CNTNAP5: variants seen among roughly 807,000 people sequenced by gnomAD.
The protein encoded by CNTNAP5 is contactin associated protein family member 5, also known as contactin-associated protein-like 5.
Under a neutral mutation model 150.2 loss-of-function variants are expected in CNTNAP5, and 72 were observed. The ratio of observed to expected loss-of-function variants is 0.48; its 90% CI spans 0.40 to 0.58. The LOEUF is 0.58. CNTNAP5 is among the 20% of genes least tolerant of loss of function. CNTNAP5 has a pLI of 0.00. For missense variants in CNTNAP5, 1,636 were observed against 1,626.2 expected (o/e 1.01, Z -0.10); for synonymous variants, 672 against 619.8 (o/e 1.08, Z -1.25).
At chr2:124,374,085 A>G (rs980792093) in intron 3 of CNTNAP5, among the ~76,000 whole-genome samples, 1 of 152,086 alleles carries the variant, frequency 6.6e-6, no homozygotes, top group African/African-American at 2.4e-5. Flanking sequence ...GTGATCCTAT[A>G]TTACTTTGTA....
chr2:124,262,155 G>A (rs993346406), intron 3 of CNTNAP5, among the ~76,000 whole-genome samples: 2 of 152,042 alleles, frequency 1.3e-5, no homozygotes, highest in Non-Finnish European at 2.9e-5. Flanking sequence ...TGAGGTGGGA[G>A]AATGGCTTAA....
intron 13 of CNTNAP5, among the ~76,000 whole-genome samples, chr2:124,694,160 A>C (rs2105082336): frequency 6.6e-6 from 1 of 152,304 alleles, no homozygotes; most frequent in African/African-American, 2.4e-5. Flanking sequence ...CTACTCAGTA[A>C]GTTTCTTCAA....
chr2:124,839,134 C>T (rs2104690364), intron 19 of CNTNAP5, among the ~76,000 whole-genome samples: 1 of 152,092 alleles, frequency 6.6e-6, no homozygotes, highest in African/African-American at 2.4e-5. Context: ...GCTGGGTTGG[C>T]TGAGATGGGT....
At chr2:124,789,759 C>G in intron 17 of CNTNAP5, 143 bp from the exon 18 acceptor site, 1 of 711,438 alleles carries the variant, frequency 1.4e-6, no homozygotes, top group Non-Finnish European at 2.2e-6. Flanking sequence ...AATTCCAACT[C>G]TCACTGAAAC....
intron 13 of CNTNAP5, among the ~76,000 whole-genome samples, chr2:124,654,489 G>A (rs1312276536): frequency 6.6e-6 from 1 of 151,982 alleles, no homozygotes; most frequent in East Asian, 1.9e-4. Context: ...TTCTAATTCG[G>A]GGCTGTGTGT....
intron 1 of CNTNAP5, among the ~76,000 whole-genome samples, chr2:124,165,019 C>T (rs913960591): frequency 6.6e-6 from 1 of 152,134 alleles, no homozygotes; most frequent in African/African-American, 2.4e-5. Context: ...GCTTGATCCT[C>T]AGGTTGTAAT....
chr2:124,202,881 T>G (rs1685764821), intron 1 of CNTNAP5, among the ~76,000 whole-genome samples: 1 of 151,980 alleles, frequency 6.6e-6, no homozygotes, highest in Non-Finnish European at 1.5e-5. Flanking sequence ...AAGACGAAAT[T>G]TGAGTGAGGA....
At chr2:124,578,129 G>T (rs557226722) in intron 11 of CNTNAP5, among the ~76,000 whole-genome samples, 1 of 140,056 alleles carries the variant, frequency 7.1e-6, no homozygotes, top group Admixed American at 7.5e-5. Context: ...GGCCAACATG[G>T]TGAAACCTCC....
intron 22 of CNTNAP5, among the ~76,000 whole-genome samples, chr2:124,910,513 G>C (rs940953701): frequency 3.9e-5 from 6 of 151,950 alleles, no homozygotes; most frequent in Admixed American, 2.6e-4. Context: ...TCATATGGGG[G>C]CTTGAGTTCT....
intron 2 of CNTNAP5, among the ~76,000 whole-genome samples, chr2:124,226,270 T>C (rs1686457456): frequency 6.6e-6 from 1 of 151,882 alleles, no homozygotes; most frequent in African/African-American, 2.4e-5. Flanking sequence ...CACCAACACC[T>C]ATCTCCTTCT....
At chr2:124,816,473 C>CTTTTTTTTTTTT (rs34089178) in intron 19 of CNTNAP5, among the ~76,000 whole-genome samples, 1 of 107,662 alleles carries the variant, frequency 9.3e-6, no homozygotes. Context: ...TTGCAGCTTA[C>CTTTTTTTTTTTT]TTTTTTTTTT....
intron 3 of CNTNAP5, among the ~76,000 whole-genome samples, chr2:124,391,108 C>T (rs551459540): frequency 3.3e-5 from 5 of 152,252 alleles, no homozygotes; most frequent in African/African-American, 9.6e-5. Flanking sequence ...CTCCATGGAT[C>T]TATATCTTCA....
At chr2:124,453,664 A>G (rs1222298586) in intron 6 of CNTNAP5, among the ~76,000 whole-genome samples, 1 of 152,232 alleles carries the variant, frequency 6.6e-6, no homozygotes, top group Non-Finnish European at 1.5e-5. Flanking sequence ...AGGAAAACCT[A>G]TCAGATTAAC....
intron 10 of CNTNAP5, among the ~76,000 whole-genome samples, chr2:124,541,549 T>C (rs942321117): frequency 1.3e-5 from 2 of 152,154 alleles, no homozygotes; most frequent in Non-Finnish European, 2.9e-5. Context: ...TCATTCCAAT[T>C]ACCATGCTTA....
At chr2:124,870,161 T>A (rs72963864) in intron 21 of CNTNAP5, among the ~76,000 whole-genome samples, 5,603 of 151,986 alleles carry the variant, frequency 0.037, 337 homozygotes, top group African/African-American at 0.13. Context: ...GAATCTTTTT[T>A]TTTTTCTATT....
chr2:124,065,887 T>C (rs1360377283), intron 1 of CNTNAP5, among the ~76,000 whole-genome samples: 1 of 152,240 alleles, frequency 6.6e-6, no homozygotes, highest in Non-Finnish European at 1.5e-5. Context: ...TGGAGGTTTA[T>C]CAGCTTAAAG....
intron 7 of CNTNAP5, among the ~76,000 whole-genome samples, chr2:124,481,738 A>G (rs1411576713): frequency 6.6e-6 from 1 of 152,090 alleles, no homozygotes; most frequent in Non-Finnish European, 1.5e-5. Context: ...CTATTTCAGC[A>G]CTAAATCAAT....
At chr2:124,303,921 A>G (rs1688621532) in intron 3 of CNTNAP5, among the ~76,000 whole-genome samples, 1 of 152,128 alleles carries the variant, frequency 6.6e-6, no homozygotes, top group South Asian at 2.1e-4. Context: ...AGTTCCAGAT[A>G]CTCAGAAGGC....
intron 1 of CNTNAP5, among the ~76,000 whole-genome samples, chr2:124,071,202 C>A (rs1416070061): frequency 6.6e-6 from 1 of 151,604 alleles, no homozygotes; most frequent in Non-Finnish European, 1.5e-5. Context: ...CATATTATTT[C>A]TTCATACTGA....
Sources: allele counts gnomAD v4.1 joint callset (sites outside exome capture counted in the v4.1 genomes callset), GRCh38; gene constraint gnomAD v4.1.1; transcripts MANE v1.5; gene names NCBI Gene and HGNC (gene_info 2026-07-23, HGNC 2026-07-21).